NEO1: variants seen among roughly 807,000 people sequenced by gnomAD.
NEO1 encodes neogenin.
NEO1 carries 63 observed loss-of-function variants against 159.7 expected under a neutral mutation model. The observed-to-expected ratio is 0.39, with a 90% CI of 0.32 to 0.49. The LOEUF (loss-of-function observed/expected upper bound fraction) is 0.49, where lower values mean the gene tolerates loss of function less well. Ranked by LOEUF, NEO1 falls within the 20% of genes least tolerant of loss-of-function variation. The pLI, the probability that NEO1 is intolerant of heterozygous loss-of-function variation, is 0.85. For missense variants in NEO1, 1,615 were observed against 1,831.0 expected, an observed-to-expected ratio of 0.88 and a Z score of 2.15; for synonymous variants, 633 against 662.0, an observed-to-expected ratio of 0.96 and a Z score of 0.67.
intron 22 of NEO1, among the ~76,000 whole-genome samples, chr15:73,280,603 A>T (rs28636412): frequency 6.6e-6 from 1 of 151,966 alleles, no homozygotes; most frequent in Non-Finnish European, 1.5e-5. Flanking sequence ...GGAAAGCCCT[A>T]CTCTAATATG....
chr15:73,200,036 T>C (rs950934186), intron 7 of NEO1, among the ~76,000 whole-genome samples: 2 of 152,206 alleles, frequency 1.3e-5, no homozygotes, highest in Non-Finnish European at 2.9e-5. Context: ...GTCATTCAGA[T>C]CATAGCACTG....
intron 1 of NEO1, among the ~76,000 whole-genome samples, chr15:73,077,587 C>T (rs1037977134): frequency 2.6e-5 from 4 of 152,130 alleles, no homozygotes; most frequent in African/African-American, 9.7e-5. Flanking sequence ...GAAGTCCAGT[C>T]TATTTAACTG....
intron 4 of NEO1, among the ~76,000 whole-genome samples, chr15:73,127,449 A>C (rs1245113085): frequency 1.3e-5 from 2 of 152,188 alleles, no homozygotes; most frequent in African/African-American, 2.4e-5. Flanking sequence ...CTTCCAAAAT[A>C]ATGCTGTCTT....
chr15:73,075,632 A>C (rs1396258843), intron 1 of NEO1, among the ~76,000 whole-genome samples: 1 of 135,858 alleles, frequency 7.4e-6, no homozygotes, highest in African/African-American at 2.7e-5. Flanking sequence ...GAAGGGTGTC[A>C]GTGTAAACAC....
At chr15:73,253,266 C>A in intron 11 of NEO1, 134 bp from the exon 12 acceptor site, 1 of 465,138 alleles carries the variant, frequency 2.1e-6, no homozygotes, top group Non-Finnish European at 3.8e-6. Context: ...AGGGCATTGG[C>A]AGCTAGTTTA....
Position 73,283,028 on chromosome 15 carries a change from T to C in NEO1, c.3327T>C (p.Ile1109=). 6.2e-7 allele frequency: 1 copy of C among 1,614,190 alleles called. No individual in the cohort carries two copies. The highest frequency in any genetic ancestry group is 8.5e-7 in the Non-Finnish European group (1 of 1,180,030). The change falls in exon 23 of 29, where the codon ATT becomes ATC. Residue 1109 remains isoleucine (I), a synonymous_variant. Coordinates refer to ENST00000261908, the MANE Select transcript of NEO1 (RefSeq NM_002499.4). ...ACAGTAATATGCTGCTGGTCATAATTGTTTCTGTTGGCGTCATCACCATCG... is the reference window on the plus strand; with the variant it reads ...ACAGTAATATGCTGCTGGTCATAATCGTTTCTGTTGGCGTCATCACCATCG... ...PLDSNMLLVI[I]VSVGVITIVV...
At chr15:73,294,318 C>T (rs183573225) in intron 26 of NEO1, among the ~76,000 whole-genome samples, 10 of 152,256 alleles carry the variant, frequency 6.6e-5, no homozygotes, top group East Asian at 1.9e-4. Flanking sequence ...CAGTTTTAAA[C>T]GGCAAGCCTA....
chr15:73,160,982 A>G (rs897610592), intron 5 of NEO1, among the ~76,000 whole-genome samples: 13 of 152,140 alleles, frequency 8.5e-5, no homozygotes, highest in African/African-American at 2.9e-4. Flanking sequence ...TCTGGAGGCT[A>G]TCAAGTACCC....
chr15:73,054,164 T>C (rs145912204), intron 1 of NEO1, among the ~76,000 whole-genome samples: 275 of 152,352 alleles, frequency 1.8e-3, no homozygotes, highest in African/African-American at 6.1e-3. Flanking sequence ...CAACTGTCTC[T>C]TAGATGAGCA....
At chr15:73,144,451 C>T (rs2032709787) in intron 5 of NEO1, among the ~76,000 whole-genome samples, 1 of 152,220 alleles carries the variant, frequency 6.6e-6, no homozygotes, top group South Asian at 2.1e-4. Flanking sequence ...AATCCCAACT[C>T]CATGAGATGC....
chr15:73,115,995 C>T (rs2151610156), intron 1 of NEO1, among the ~76,000 whole-genome samples: 1 of 151,936 alleles, frequency 6.6e-6, no homozygotes, highest in East Asian at 1.9e-4. Context: ...ATTCTTATAA[C>T]AAATATTATA....
intron 13 of NEO1, chr15:73,255,208 A>G (rs959846100): frequency 1.2e-5 from 2 of 165,958 alleles, no homozygotes; most frequent in African/African-American, 4.8e-5. Context: ...TTTTTGTAAC[A>G]CCGACCACCA....
intron 1 of NEO1, among the ~76,000 whole-genome samples, chr15:73,099,329 C>T (rs1285523340): frequency 6.6e-6 from 1 of 152,150 alleles, no homozygotes; most frequent in Non-Finnish European, 1.5e-5. Flanking sequence ...CAATGCAGGA[C>T]TGAGTTAAGA....
At chr15:73,155,824 C>T (rs765239641) in intron 5 of NEO1, among the ~76,000 whole-genome samples, 4 of 152,166 alleles carry the variant, frequency 2.6e-5, no homozygotes, top group East Asian at 1.9e-4. Flanking sequence ...ATATCTATCT[C>T]GATAAATTTC....
intron 7 of NEO1, among the ~76,000 whole-genome samples, chr15:73,216,508 A>G (rs1406081674): frequency 1.3e-5 from 2 of 152,222 alleles, no homozygotes; most frequent in African/African-American, 2.4e-5. Context: ...GAATAGCCAC[A>G]CTGACTTCCA....
At chr15:73,110,537 T>C (rs1264893932) in intron 1 of NEO1, among the ~76,000 whole-genome samples, 4 of 152,170 alleles carry the variant, frequency 2.6e-5, no homozygotes, top group East Asian at 1.9e-4. Context: ...GATTTGTTGA[T>C]GTTGTTGGGA....
At chr15:73,154,803 T>C (rs897500906) in intron 5 of NEO1, among the ~76,000 whole-genome samples, 1 of 152,222 alleles carries the variant, frequency 6.6e-6, no homozygotes, top group Non-Finnish European at 1.5e-5. Context: ...ATTCCACCAA[T>C]CTATATCTTT....
intron 11 of NEO1, among the ~76,000 whole-genome samples, chr15:73,251,443 G>C (rs1010612022): frequency 1.3e-5 from 2 of 150,354 alleles, no homozygotes; most frequent in African/African-American, 2.4e-5. Context: ...AGCCCGGGGA[G>C]GTCAAGGCTT....
chr15:73,114,891 TCTA>T (rs1189158776), intron 1 of NEO1, among the ~76,000 whole-genome samples: 29 of 152,334 alleles, frequency 1.9e-4, no homozygotes, highest in South Asian at 1.4e-3. Flanking sequence ...ATGTGTTTAT[TCTA>T]CTATGATTCC....
Sources: gnomAD v4.1 joint callset for allele counts (sites outside exome capture counted in the v4.1 genomes callset) on GRCh38, gnomAD v4.1.1 for gene constraint, MANE v1.5 for transcripts, NCBI Gene and HGNC (gene_info 2026-07-23, HGNC 2026-07-21) for gene names.